Variants in NAV3 observed in about 807,000 individuals in gnomAD.
NAV3 encodes pore membrane and/or filament interacting like protein 1.
Under a neutral mutation model 244.7 loss-of-function variants are expected in NAV3, and 87 were observed. That is an observed-to-expected ratio of 0.36 (90% CI 0.30 to 0.42). The LOEUF (loss-of-function observed/expected upper bound fraction) is 0.42, where lower values mean the gene tolerates loss of function less well. Among genes scored for constraint, NAV3 ranks in the 20% least tolerant of loss-of-function variants. The probability of loss-of-function intolerance (pLI) is 1.00; values close to 1 mark genes in which losing one functional copy is unlikely to be tolerated. For synonymous variants in NAV3, 1,126 were observed against 1,042.2 expected, an observed-to-expected ratio of 1.08 and a Z score of -1.55; for missense variants, 2,663 against 2,893.3, an observed-to-expected ratio of 0.92 and a Z score of 1.83.
At chr12:78,059,193 T>C (rs1883947909) in intron 12 of NAV3, 78 bp downstream of exon 12, 1 of 1,354,866 alleles carries the variant, frequency 7.4e-7, no homozygotes. Context: ...AAAACTCCTA[T>C]TAAACAGTGT....
At chr12:78,013,051 T>A (rs1325926977) in intron 8 of NAV3, among the ~76,000 whole-genome samples, 1 of 152,142 alleles carries the variant, frequency 6.6e-6, no homozygotes, top group Non-Finnish European at 1.5e-5. Flanking sequence ...TTCTGAAGTC[T>A]CTCACTTCCT....
chr12:78,159,113 T>A, intron 22 of NAV3, 90 bp from the exon 23 acceptor site: 1 of 1,060,288 alleles, frequency 9.4e-7, no homozygotes. Context: ...TTGGAACACA[T>A]GAAATTAAGC....
At chr12:77,747,389 G>A (rs544856573) in intron 2 of NAV3, among the ~76,000 whole-genome samples, 2 of 152,284 alleles carry the variant, frequency 1.3e-5, no homozygotes, top group African/African-American at 4.8e-5. Flanking sequence ...AACAACAGGT[G>A]CTGGAGAGGA....
chr12:78,059,233 AATT>A lies in NAV3; in HGVS notation c.2636+122_2636+124del. 2.2e-6 allele frequency: 2 copies of A among 923,326 alleles called. 1 individual carries two copies. Among genetic ancestry groups the A allele is most frequent in the South Asian group, 4.0e-5 (2 of 49,546 alleles). 57.2% of individuals were successfully genotyped at this position (923,326 alleles called of 1,614,324 possible). ...CAAAGGACTTTTTATTTTGATAAAT[AATT>A]ATTTTATTTTGATAAATAATTATTT... On this transcript the variant is annotated intron_variant, in intron 12 of 39. Coordinates refer to ENST00000397909, the MANE Select transcript of NAV3 (RefSeq NM_001024383.2).
chr12:77,633,547 G>A (rs1003617948), intron 2 of NAV3, among the ~76,000 whole-genome samples: 11 of 151,880 alleles, frequency 7.2e-5, no homozygotes, highest in African/African-American at 1.7e-4. Flanking sequence ...CCAGAAATAC[G>A]GTCTAAAAGA....
intron 2 of NAV3, among the ~76,000 whole-genome samples, chr12:77,653,166 A>T (rs1872907081): frequency 6.6e-6 from 1 of 152,194 alleles, no homozygotes. Context: ...AATCTTGAGA[A>T]TGGTATGTTC....
At chr12:78,020,974 G>A (rs1487315279) in intron 8 of NAV3, among the ~76,000 whole-genome samples, 3 of 152,084 alleles carry the variant, frequency 2.0e-5, no homozygotes, top group Non-Finnish European at 4.4e-5. Context: ...ATGTGTGTTA[G>A]TTTGTGTCAA....
intron 8 of NAV3, among the ~76,000 whole-genome samples, chr12:78,014,014 CT>C (rs1875759824): frequency 1.3e-5 from 2 of 151,944 alleles, no homozygotes; most frequent in African/African-American, 4.8e-5. Flanking sequence ...AAATACCTCC[CT>C]TTTTCCCATA....
intron 2 of NAV3, among the ~76,000 whole-genome samples, chr12:77,609,065 A>G (rs1870795367): frequency 6.6e-6 from 1 of 152,076 alleles, no homozygotes; most frequent in Non-Finnish European, 1.5e-5. Flanking sequence ...CCACTGGCAT[A>G]TAAATATTTT....
rs1959244051 is a variant in NAV3 at position 78,198,633 on chromosome 12, G to A, written c.6475G>A (p.Gly2159Arg). Residue 2159 changes from glycine (G) to arginine (R), a missense_variant, in exon 36 of 40, where the codon GGA becomes AGA. By Grantham distance (125) the Gly-to-Arg change is moderately radical. Transcript: ENST00000397909. The part of the protein sequence containing the change: ...CPYIIGTMNQ[G>R]VSSSPNLELH... ...ATATATTATTGGAACAATGAATCAG[G>A]GAGTTTCTTCATCACCAAATCTAGA... is the stretch of plus-strand genomic sequence containing the variant. 2 of 1,593,350 alleles carry A rather than the reference G, an allele frequency of 1.3e-6. No homozygotes were observed. Among genetic ancestry groups the A allele is most frequent in the Non-Finnish European group, 8.6e-7 (1 of 1,168,272 alleles).
At chr12:77,690,302 T>C (rs918467582) in intron 2 of NAV3, among the ~76,000 whole-genome samples, 4 of 151,780 alleles carry the variant, frequency 2.6e-5, no homozygotes, top group African/African-American at 9.7e-5. Context: ...CTTTGACAAA[T>C]GAGAGACTCC....
upstream of NAV3, among the ~76,000 whole-genome samples, chr12:77,830,607 C>T (rs529810667): frequency 6.6e-5 from 10 of 152,196 alleles, no homozygotes; most frequent in South Asian, 6.2e-4. Flanking sequence ...ATAACCTAGG[C>T]AGCTATGGTC....
chr12:77,827,152 G>T (rs2887623), upstream of NAV3, among the ~76,000 whole-genome samples: 40,698 of 147,368 alleles, frequency 0.28, 6,687 homozygotes, highest in East Asian at 0.46. Flanking sequence ...AGAATCGCTT[G>T]AACCCGGGAG....
At chr12:78,028,799 C>T (rs1878497406) in intron 9 of NAV3, among the ~76,000 whole-genome samples, 1 of 152,228 alleles carries the variant, frequency 6.6e-6, no homozygotes, top group Non-Finnish European at 1.5e-5. Flanking sequence ...TTATTCTACT[C>T]ATTGTCTAGC....
intron 23 of NAV3, among the ~76,000 whole-genome samples, chr12:78,166,265 A>G (rs403254): frequency 0.046 from 6,942 of 151,938 alleles, 193 homozygotes; most frequent in Non-Finnish European, 0.072. Context: ...AATTATATGG[A>G]AAGCTCAGAG....
At position 78,148,978 on chromosome 12, in the gene NAV3, C is replaced by T. The variant is rs1033511843; in HGVS notation, c.4785+59C>T. On this transcript the variant is annotated intron_variant, in intron 22 of 39. Coordinates refer to ENST00000397909, the MANE Select transcript of NAV3 (RefSeq NM_001024383.2). ...AAATTTTTATAGAGGAAAATGAAAT[C>T]ATTTTAGTAACAAACTTACAAATTT... The T allele has an allele frequency of 3.5e-5, 48 of 1,381,476 alleles. No individual in the cohort carries two copies. In the Admixed American group the frequency reaches 6.8e-4, roughly 20 times the overall value. 85.6% of individuals were successfully genotyped at this position (1,381,476 alleles called of 1,614,324 possible).
chr12:78,055,614 G>C (rs931750098), intron 11 of NAV3, among the ~76,000 whole-genome samples: 1 of 152,188 alleles, frequency 6.6e-6, no homozygotes, highest in South Asian at 2.1e-4. Context: ...TGGTAATTCT[G>C]TTGTTACCCA....
rs753160809 is a variant in NAV3 at position 78,122,021 on chromosome 12, C to T, written c.3831C>T (p.Ser1277=). The T allele has an allele frequency of 6.2e-7, 1 of 1,614,176 alleles. No individual in the cohort carries two copies. Among genetic ancestry groups the T allele is most frequent in the Non-Finnish European group, 8.5e-7 (1 of 1,180,020 alleles). The change falls in exon 16 of 40, where the codon AGC becomes AGT. Residue 1277 remains serine (S), a synonymous_variant. Transcript: ENST00000397909. The part of the protein sequence containing the change: ...EGVKSSSVMP[S]PSTTLARQGS... ...TGAAATCTTCCTCAGTAATGCCCAG[C>T]CCTAGTACCACATTAGCGCGGCAAG...
At chr12:78,027,948 T>TG (rs1555262533) in intron 9 of NAV3, among the ~76,000 whole-genome samples, 3 of 152,154 alleles carry the variant, frequency 2.0e-5, no homozygotes, top group Admixed American at 6.6e-5. Flanking sequence ...GAAGCGTTTT[T>TG]TTTTGTTTTG....
Sources: allele counts gnomAD v4.1 joint callset (sites outside exome capture counted in the v4.1 genomes callset), GRCh38; gene constraint gnomAD v4.1.1; transcripts MANE v1.5; gene names NCBI Gene and HGNC (gene_info 2026-07-23, HGNC 2026-07-21).